MORC1: variants seen among roughly 807,000 people sequenced by gnomAD.
MORC1 encodes MORC family CW-type zinc finger 1, also known as MORC family CW-type zinc finger protein 1.
Under a neutral mutation model 134.9 loss-of-function variants are expected in MORC1, and 59 were observed. That is an observed-to-expected ratio of 0.44 (90% confidence interval 0.35 to 0.54). The LOEUF (loss-of-function observed/expected upper bound fraction) is 0.54, where lower values mean the gene tolerates loss of function less well. Among genes scored for constraint, MORC1 ranks in the 20% least tolerant of loss-of-function variants. The pLI, the probability that MORC1 is intolerant of heterozygous loss-of-function variation, is 0.00. For synonymous variants in MORC1, 395 were observed against 391.7 expected (o/e 1.01, Z -0.10); for missense variants, 947 against 1,134.5 (o/e 0.83, Z 2.37).
rs1949120733 is a variant in MORC1, at chr3:109,027,842, C to T, written c.1613G>A (p.Ser538Asn). 1 of 1,613,752 alleles carries T rather than the reference C, an allele frequency of 6.2e-7. No homozygotes were observed. The highest frequency in any genetic ancestry group is 8.5e-7 in the Non-Finnish European group (1 of 1,179,820). The stretch of plus-strand genomic sequence containing the variant: ...CTCATTTTTTGATGGTGATATTGTG[C>T]TCATGGTGCCCAGTGGGATGGAAGG... ...CLPSIPLGTM[S>N]TISPSKNEKE... Residue 538 changes from serine to asparagine, a missense_variant, in exon 17 of 28, where the codon AGC becomes AAC. Physicochemically the swap from Ser to Asn is conservative, Grantham distance 46 (BLOSUM62 1). Around this residue, in one of 3 missense-constraint regions of MORC1, gnomAD observed 722 missense variants for 817.0 expected, o/e 0.88. Coordinates refer to ENST00000232603, the MANE Select transcript of MORC1 (RefSeq NM_014429.4).
chr3:109,083,309 A>G (rs1179403859), intron 8 of MORC1, among the ~76,000 whole-genome samples: 1 of 46,136 alleles, frequency 2.2e-5, no homozygotes, highest in Non-Finnish European at 4.9e-5. Context: ...ATACTAAGGT[A>G]AAGAAAAAAA....
At chr3:108,997,489 C>T (rs571572757) in intron 21 of MORC1, among the ~76,000 whole-genome samples, 2 of 152,154 alleles carry the variant, frequency 1.3e-5, no homozygotes, top group East Asian at 3.9e-4. Context: ...GCCTGGGTGA[C>T]ACAGGGAGAC....
intron 8 of MORC1, among the ~76,000 whole-genome samples, chr3:109,086,384 T>G (rs899516439): frequency 6.6e-6 from 1 of 152,048 alleles, no homozygotes; most frequent in African/African-American, 2.4e-5. Flanking sequence ...CTTTTAAAGT[T>G]ATTTTTTTAA....
At chr3:108,968,326 T>C (rs537956352) in intron 26 of MORC1, among the ~76,000 whole-genome samples, 1 of 152,334 alleles carries the variant, frequency 6.6e-6, no homozygotes, top group South Asian at 2.1e-4. Context: ...CAGTTGTTTA[T>C]CACCGTCCAG....
At chr3:109,041,556 C>CA (rs879738321) in intron 14 of MORC1, among the ~76,000 whole-genome samples, 1 of 151,764 alleles carries the variant, frequency 6.6e-6, no homozygotes, top group Non-Finnish European at 1.5e-5. Context: ...ACTAAAAATG[C>CA]AAAAAAATTA....
At chr3:108,979,220 A>C (rs996671749) in intron 24 of MORC1, among the ~76,000 whole-genome samples, 1 of 152,214 alleles carries the variant, frequency 6.6e-6, no homozygotes, top group Non-Finnish European at 1.5e-5. Context: ...ATGTCATAAG[A>C]GCCTTTGTTG....
chr3:108,972,045 G>C (rs559592173), intron 24 of MORC1, among the ~76,000 whole-genome samples: 1 of 152,266 alleles, frequency 6.6e-6, no homozygotes, highest in Non-Finnish European at 1.5e-5. Context: ...AAGAGTTTAA[G>C]TCTCCAGAGT....
intron 14 of MORC1, among the ~76,000 whole-genome samples, chr3:109,044,156 G>C (rs577967727): frequency 1.6e-4 from 25 of 152,158 alleles, no homozygotes; most frequent in African/African-American, 5.8e-4. Context: ...AAGTATCTGT[G>C]AGAAAAAAAC....
rs936458546 is a variant in MORC1 at position 109,006,806 on chromosome 3, G to A, written c.1767+223C>T. Among the ~76,000 whole-genome samples, 3 of 152,240 alleles carry A rather than the reference G, an allele frequency of 2.0e-5. No individual in the cohort carries two copies. The South Asian group carries it at 6.2e-4, about 32-fold the overall frequency. On this transcript the variant is annotated intron_variant, in intron 18 of 27. Transcript: ENST00000232603. Reference sequence around the variant, plus strand: ...TATTTAAAAAGGTTTTTATGTGCAGGAAGTAAGATAATGGGTGATTTAAAT... The same window carrying A: ...TATTTAAAAAGGTTTTTATGTGCAGAAAGTAAGATAATGGGTGATTTAAAT...
At chr3:108,972,839 C>T (rs1281601347) in intron 24 of MORC1, among the ~76,000 whole-genome samples, 2 of 152,070 alleles carry the variant, frequency 1.3e-5, no homozygotes, top group African/African-American at 2.4e-5. Flanking sequence ...AATTCTTTTG[C>T]CTTTAAATTT....
intron 17 of MORC1, among the ~76,000 whole-genome samples, chr3:109,024,948 C>T (rs967253152): frequency 3.3e-5 from 5 of 152,180 alleles, no homozygotes; most frequent in Non-Finnish European, 4.4e-5. Flanking sequence ...AGGAAATTTA[C>T]ACTGAACATT....
intron 3 of MORC1, among the ~76,000 whole-genome samples, chr3:109,104,249 G>A (rs758457236): frequency 1.2e-4 from 19 of 152,100 alleles, no homozygotes; most frequent in South Asian, 2.1e-4. Context: ...AAAGGTAAAT[G>A]GTGAAGTGAC....
At chr3:109,067,109 C>T (rs980888896) in intron 9 of MORC1, among the ~76,000 whole-genome samples, 4 of 152,004 alleles carry the variant, frequency 2.6e-5, no homozygotes, top group Non-Finnish European at 5.9e-5. Context: ...GAGAACATAG[C>T]GTTAATGTCC....
chr3:109,108,532 G>T lies in MORC1; in HGVS notation c.154+2217C>A, dbSNP rs1398452639. ...GTAATTCCCATAGCCATACCTCCCT[G>T]CTATCCTTGCTTTCATACTTCTCCA... On this transcript the variant is annotated intron_variant, in intron 3 of 27. Transcript: ENST00000232603. Among the ~76,000 whole-genome samples, 4 of 151,800 alleles carry T rather than the reference G, an allele frequency of 2.6e-5. No homozygotes were observed. In the East Asian group the frequency reaches 7.7e-4, roughly 29 times the overall value.
intron 16 of MORC1, among the ~76,000 whole-genome samples, chr3:109,028,235 C>T (rs1188032298): frequency 1.1e-5 from 1 of 87,154 alleles, no homozygotes; most frequent in Non-Finnish European, 2.8e-5. Flanking sequence ...ACTGCCATTT[C>T]CCCCCCCAAA....
chr3:109,098,494 G>A (rs754471981), intron 6 of MORC1, among the ~76,000 whole-genome samples: 5 of 152,018 alleles, frequency 3.3e-5, no homozygotes, highest in South Asian at 2.1e-4. Flanking sequence ...GTCCTACACC[G>A]TCCATCCAAA....
In MORC1 at chr3:109,091,441, CTAAAAAAA is replaced by C. The variant is rs1181880978; in HGVS notation, c.689+1987_689+1994del. Among the ~76,000 whole-genome samples, 53 of 21,168 alleles carry C rather than the reference CTAAAAAAA, an allele frequency of 2.5e-3. No individual in the cohort carries two copies. In the South Asian group the frequency reaches 0.058, roughly 23 times the overall value. The allele number at this position is 21,168 out of a possible 152,430, so 13.9% of individuals were successfully genotyped here. On this transcript the variant is annotated intron_variant, in intron 8 of 27. Transcript: ENST00000232603. ...CCTGGGCAACAGGGTGAGACTCCAT[CTAAAAAAA>C]TAAATAAATAAATAAATAAATAAAT...
At chr3:108,976,805 T>TTA (rs1440002199) in intron 24 of MORC1, among the ~76,000 whole-genome samples, 1 of 152,218 alleles carries the variant, frequency 6.6e-6, no homozygotes, top group Admixed American at 6.5e-5. Context: ...GTCTGCCTGT[T>TTA]CATTAGAGTT....
intron 17 of MORC1, among the ~76,000 whole-genome samples, chr3:109,022,167 T>C (rs1325174967): frequency 2.0e-5 from 3 of 152,212 alleles, no homozygotes; most frequent in African/African-American, 7.2e-5. Context: ...TTTTAGATCA[T>C]GACAGTTTAT....
Sources: allele counts gnomAD v4.1 joint callset (sites outside exome capture counted in the v4.1 genomes callset), GRCh38; gene constraint gnomAD v4.1.1; regional missense constraint gnomAD v4.1.1; transcripts MANE v1.5; gene names NCBI Gene and HGNC (gene_info 2026-07-23, HGNC 2026-07-21).